Variants in GPR137C observed in about 807,000 individuals in gnomAD.
The protein encoded by GPR137C is G protein-coupled receptor 137C.
Under a neutral mutation model 43.4 loss-of-function variants are expected in GPR137C, and 27 were observed. The observed-to-expected ratio is 0.62, with a 90% CI of 0.46 to 0.86. The LOEUF (loss-of-function observed/expected upper bound fraction) is 0.86, where lower values mean the gene tolerates loss of function less well. GPR137C is among the 40% of genes least tolerant of loss of function. The pLI, the probability that GPR137C is intolerant of heterozygous loss-of-function variation, is 0.00. For synonymous variants in GPR137C, 285 were observed against 226.9 expected (o/e 1.26, Z -2.30); for missense variants, 522 against 534.6 (o/e 0.98, Z 0.23).
chr14:52,592,828 C>G (rs1324062938), intron 1 of GPR137C, among the ~76,000 whole-genome samples: 1 of 152,172 alleles, frequency 6.6e-6, no homozygotes, highest in East Asian at 1.9e-4. Context: ...TTATTTCTTT[C>G]TCTTGCCTGA....
At chr14:52,616,338 G>A (rs141368482) in intron 3 of GPR137C, among the ~76,000 whole-genome samples, 1 of 152,248 alleles carries the variant, frequency 6.6e-6, no homozygotes, top group East Asian at 1.9e-4. Flanking sequence ...CTGTCACCTA[G>A]GCTGGAGTGC....
Position 52,600,191 on chromosome 14 carries a change from T to C in GPR137C, c.567T>C (p.His189=), listed in dbSNP as rs1566617162. 4 of 1,613,990 alleles carry C rather than the reference T, an allele frequency of 2.5e-6. No homozygotes were observed. Among genetic ancestry groups the C allele is most frequent in the Non-Finnish European group, 3.4e-6 (4 of 1,179,852 alleles). ...VVNLTCAMLV[H]GDVPENQLKW... is the part of the protein sequence containing the mutation. ...ACTTGACTTGCGCAATGCTAGTTCA[T>C]GGAGATGTCCCAGAAAATCAGTTGA... is the stretch of plus-strand genomic sequence containing the variant. The change falls in exon 3 of 7, where the codon CAT becomes CAC. Residue 189 remains histidine, a synonymous_variant. Transcript: ENST00000321662.
In GPR137C at chr14:52,599,500, C is replaced by T. The variant is rs12435464; in HGVS notation, c.489-613C>T. 5.0e-3 allele frequency among the ~76,000 whole-genome samples: 727 copies of T among 145,804 alleles called. 14 individuals are homozygous for T. Among genetic ancestry groups the T allele is most frequent in the Admixed American group, 0.041 (587 of 14,268 alleles). ...CCAGGCTGGAGTGCAGTGGCGCTGT[C>T]TTGGCTCACTGCAACCTCCATCTCC... On this transcript the variant is annotated intron_variant, in intron 2 of 6. Transcript: ENST00000321662.
chr14:52,564,355 A>T (rs1436377501), intron 1 of GPR137C, among the ~76,000 whole-genome samples: 1 of 151,352 alleles, frequency 6.6e-6, no homozygotes, highest in Non-Finnish European at 1.5e-5. Context: ...AGTTCTATGT[A>T]TACTACAAGT....
At chr14:52,594,174 C>CTG (rs141679854) in intron 1 of GPR137C, among the ~76,000 whole-genome samples, 13,667 of 152,160 alleles carry the variant, frequency 0.09, 675 homozygotes, top group South Asian at 0.15. Flanking sequence ...ATTGATTGCC[C>CTG]TGTGGTCTGA....
chr14:52,570,760 C>T (rs147420547), intron 1 of GPR137C, among the ~76,000 whole-genome samples: 2,397 of 152,084 alleles, frequency 0.016, 50 homozygotes, highest in African/African-American at 0.054. Flanking sequence ...CATTACATAA[C>T]GCTAAAGGGA....
intron 1 of GPR137C, among the ~76,000 whole-genome samples, chr14:52,597,972 A>G (rs1176349385): frequency 1.3e-5 from 2 of 152,252 alleles, no homozygotes; most frequent in African/African-American, 4.8e-5. Context: ...GTGGCAAGCC[A>G]TTCAGCACAA....
intron 3 of GPR137C, among the ~76,000 whole-genome samples, chr14:52,631,749 A>G (rs1247334179): frequency 6.6e-6 from 1 of 152,168 alleles, no homozygotes; most frequent in Non-Finnish European, 1.5e-5. Context: ...TAGGAACTCT[A>G]TTTCTATTCT....
chr14:52,621,079 G>C (rs1400690402), intron 3 of GPR137C, among the ~76,000 whole-genome samples: 1 of 151,600 alleles, frequency 6.6e-6, no homozygotes, highest in African/African-American at 2.4e-5. Context: ...AACCCAATCA[G>C]GATAAATATG....
At chr14:52,620,749 A>T (rs1428794267) in intron 3 of GPR137C, among the ~76,000 whole-genome samples, 1 of 151,998 alleles carries the variant, frequency 6.6e-6, no homozygotes, top group East Asian at 1.9e-4. Flanking sequence ...ACCAAATGGA[A>T]ATTCTAGAAT....
intron 1 of GPR137C, among the ~76,000 whole-genome samples, chr14:52,575,749 C>G (rs1240906003): frequency 1.3e-5 from 2 of 152,184 alleles, no homozygotes; most frequent in African/African-American, 4.8e-5. Context: ...GGAGTCAGGA[C>G]ATCTGGGTTG....
At chr14:52,593,927 T>C (rs1785173803) in intron 1 of GPR137C, among the ~76,000 whole-genome samples, 1 of 152,152 alleles carries the variant, frequency 6.6e-6, no homozygotes, top group South Asian at 2.1e-4. Context: ...GATGTTAGGG[T>C]GTCCATTTTA....
At chr14:52,573,077 T>A (rs887653463) in intron 1 of GPR137C, among the ~76,000 whole-genome samples, 4 of 152,132 alleles carry the variant, frequency 2.6e-5, no homozygotes, top group African/African-American at 9.7e-5. Flanking sequence ...TAAGAGAGGA[T>A]GCAAACAAAT....
intron 1 of GPR137C, among the ~76,000 whole-genome samples, chr14:52,571,461 T>G (rs2038467420): frequency 6.6e-6 from 1 of 151,950 alleles, no homozygotes; most frequent in Non-Finnish European, 1.5e-5. Context: ...GATCATGAAG[T>G]CAGGAGTTTG....
At chr14:52,577,744 C>T (rs2038583499) in intron 1 of GPR137C, among the ~76,000 whole-genome samples, 1 of 147,932 alleles carries the variant, frequency 6.8e-6, no homozygotes, top group Non-Finnish European at 1.5e-5. Flanking sequence ...AGGCGGATCG[C>T]TTGAACCCAG....
intron 2 of GPR137C, among the ~76,000 whole-genome samples, chr14:52,599,693 C>G (rs1309404867): frequency 6.6e-6 from 1 of 152,132 alleles, no homozygotes; most frequent in Non-Finnish European, 1.5e-5. Flanking sequence ...CTCGGCCTCC[C>G]AAAGTTCTGA....
In GPR137C at chr14:52,637,166, A is replaced by G. The variant is rs1323239836; in HGVS notation, c.*2051A>G. The G allele has an allele frequency of 6.6e-6, 1 of 152,158 alleles. No individual in the cohort carries two copies. Among genetic ancestry groups the G allele is most frequent in the East Asian group, 1.9e-4 (1 of 5,202 alleles). 9.4% of individuals were successfully genotyped at this position (152,158 alleles called of 1,614,324 possible). A position where few individuals can be genotyped will look rare whatever the true frequency, so the allele number is the denominator to read the frequency against. ...GTTTATTCTTATCACTGACTAGGGT[A>G]CCCAAATTCTTGCATTTGTCTCCTT... On this transcript the variant is annotated 3_prime_UTR_variant, in exon 7 of 7. Transcript: ENST00000321662.
chr14:52,566,890 T>G (rs1307768642), intron 1 of GPR137C, among the ~76,000 whole-genome samples: 4 of 152,104 alleles, frequency 2.6e-5, no homozygotes, highest in Non-Finnish European at 4.4e-5. Context: ...GGCGGGTGGA[T>G]CATCTGAGGT....
rs1327144074 is a variant in GPR137C at position 52,636,615 on chromosome 14, C to G, written c.*1500C>G. On this transcript the variant is annotated 3_prime_UTR_variant, in exon 7 of 7. Transcript: ENST00000321662. ...TTTTTAACAACTGATACAATAACTT[C>G]ATAAAAGTATAACACTAGGTTGAAA... 1.3e-5 allele frequency: 2 copies of G among 152,080 alleles called. No homozygotes were observed. The highest frequency in any genetic ancestry group is 2.9e-5 in the Non-Finnish European group (2 of 67,972). 9.4% of individuals were successfully genotyped at this position (152,080 alleles called of 1,614,324 possible).
Sources: allele counts gnomAD v4.1 joint callset (sites outside exome capture counted in the v4.1 genomes callset), GRCh38; gene constraint gnomAD v4.1.1; transcripts MANE v1.5; gene names NCBI Gene and HGNC (gene_info 2026-07-23, HGNC 2026-07-21).